MEGF6: variants seen among roughly 807,000 people sequenced by gnomAD.
MEGF6 encodes multiple EGF like domains 6, also known as multiple epidermal growth factor-like domains protein 6.
In MEGF6, 184 loss-of-function variants were observed where a neutral mutation model predicts 207.1. The observed-to-expected ratio is 0.89, with a 90% CI of 0.79 to 1.00. MEGF6 has a LOEUF of 1.00. Ranked by LOEUF, MEGF6 falls within the 50% of genes least tolerant of loss-of-function variation. The probability of loss-of-function intolerance (pLI) is 0.00; values close to 1 mark genes in which losing one functional copy is unlikely to be tolerated. For synonymous variants in MEGF6, 1,038 were observed against 910.0 expected (o/e 1.14, Z -2.53); for missense variants, 2,282 against 2,202.9 (o/e 1.04, Z -0.72).
chr1:3,528,030 G>A (rs971998223), intron 4 of MEGF6, among the ~76,000 whole-genome samples: 1 of 152,218 alleles, frequency 6.6e-6, no homozygotes, highest in African/African-American at 2.4e-5. Flanking sequence ...GGGCCTGGGT[G>A]GGGGTGCTGA....
chr1:3,505,367 G>A (rs1325148879), intron 16 of MEGF6, 25 bp from the exon 17 acceptor site: 1 of 1,608,296 alleles, frequency 6.2e-7, no homozygotes, highest in Non-Finnish European at 8.5e-7. Context: ...AGAGGGGTGG[G>A]TGGGGTTAAC....
At chr1:3,523,972 T>G in intron 5 of MEGF6, 152 bp downstream of exon 5, 1 of 893,214 alleles carries the variant, frequency 1.1e-6, no homozygotes, top group South Asian at 1.8e-5. Context: ...CAGGATTCCA[T>G]AGAGCCATGC....
intron 4 of MEGF6, among the ~76,000 whole-genome samples, chr1:3,548,900 C>T (rs1276546620): frequency 6.6e-6 from 1 of 151,946 alleles, no homozygotes; most frequent in Non-Finnish European, 1.5e-5. Context: ...GGAAAAGCCC[C>T]TTAGCCTGGC....
At chr1:3,504,863 C>T (rs892607639) in intron 17 of MEGF6, among the ~76,000 whole-genome samples, 8 of 152,166 alleles carry the variant, frequency 5.3e-5, no homozygotes, top group Non-Finnish European at 1.0e-4. Flanking sequence ...GCTGCTGCCC[C>T]GGCCTCTGAG....
rs1553195882 is a variant in MEGF6 at position 3,523,073 on chromosome 1, C to CT, written c.604+1050_604+1051insA. Among the ~76,000 whole-genome samples the CT allele has an allele frequency of 2.7e-3, 235 of 88,498 alleles. 3 individuals are homozygous for CT. Among genetic ancestry groups the CT allele is most frequent in the Non-Finnish European group, 4.1e-3 (153 of 37,122 alleles). The allele number at this position is 88,498 out of a possible 152,430, so 58.1% of individuals were successfully genotyped here. ...GGTGGCCGGGACATGTGAGTGTGTG[C>CT]CGGGGGGGGGGCCCCAGGGCTGGCG... On this transcript the variant is annotated intron_variant, in intron 5 of 36. Coordinates refer to ENST00000356575, the MANE Select transcript of MEGF6 (RefSeq NM_001409.4).
In MEGF6 at chr1:3,574,368, T is replaced by C. The variant is rs1391136164; in HGVS notation, c.481+5457A>G. 2.6e-5 allele frequency among the ~76,000 whole-genome samples: 4 copies of C among 152,056 alleles called. No individual in the cohort carries two copies. The South Asian group carries it at 6.2e-4, about 24-fold the overall frequency. ...CTCTGCTCCTCTGCTCCTGTCTCTG[T>C]CCTGTCTGGAAACTTGTCCGGAACA... On this transcript the variant is annotated intron_variant, in intron 4 of 36. Coordinates refer to ENST00000356575, the MANE Select transcript of MEGF6 (RefSeq NM_001409.4).
At chr1:3,550,336 A>G (rs1642844042) in intron 4 of MEGF6, among the ~76,000 whole-genome samples, 1 of 152,194 alleles carries the variant, frequency 6.6e-6, no homozygotes, top group Non-Finnish European at 1.5e-5. Flanking sequence ...AGGAACCTCA[A>G]ACCTCGTGCT....
chr1:3,495,914 TC>T lies in MEGF6; in HGVS notation c.3846del (p.Arg1283GlufsTer235). The T allele has an allele frequency of 1.3e-6, 2 of 1,597,734 alleles. No individual in the cohort carries two copies. The highest frequency in any genetic ancestry group is 1.7e-6 in the Non-Finnish European group (2 of 1,178,986). On this transcript the variant is annotated frameshift_variant, in exon 30 of 37. Transcript: ENST00000356575. LOFTEE classifies it high-confidence loss of function. The stretch of plus-strand genomic sequence containing the variant: ...CCTCGCTCACAGCGGACGCCGGCTC[TC>T]CCCGGGGGGCAGAGGCAGGTGCCGG... ...PVTGTCLCPP[G>X]RAGVRCERGC...
rs77085451 is a variant in MEGF6 at position 3,562,730 on chromosome 1, C to T, written c.481+17095G>A. 2.7e-3 allele frequency among the ~76,000 whole-genome samples: 418 copies of T among 152,364 alleles called. 3 individuals are homozygous for T. The highest frequency in any genetic ancestry group is 0.01 in the Middle Eastern group (3 of 294). On this transcript the variant is annotated intron_variant, in intron 4 of 36. Transcript: ENST00000356575. ...GACCAGCCAAACCCTCACATCTCTC[C>T]GGTCTGAAACCAAGGGTTGGACAGG...
chr1:3,490,996 C>G, intron 35 of MEGF6, 37 bp from the exon 36 acceptor site: 1 of 1,549,738 alleles, frequency 6.5e-7, no homozygotes, highest in Non-Finnish European at 8.7e-7. Context: ...TTAGTACCCC[C>G]AGCCTTGAGT....
Position 3,511,604 on chromosome 1 carries a change from G to A in MEGF6, c.1060C>T (p.Leu354=), listed in dbSNP as rs918892735. 1.7e-5 allele frequency: 27 copies of A among 1,612,408 alleles called. No homozygotes were observed. The highest frequency in any genetic ancestry group is 2.2e-5 in the Non-Finnish European group (26 of 1,179,552). ...TCGTAGCCGCGGGGACATGTGCACAGGGGCCCAGCACTGGTGTGGCTGCAG... is the reference window on the plus strand; with the variant it reads ...TCGTAGCCGCGGGGACATGTGCACAAGGGCCCAGCACTGGTGTGGCTGCAG... ...HGCSHTSAGP[L]CTCPRGYELD... Residue 354 remains leucine, a synonymous_variant, in exon 9 of 37, where the codon CTG becomes TTG. Transcript: ENST00000356575.
intron 4 of MEGF6, chr1:3,546,970 G>T (rs1419858350): frequency 1.0e-5 from 2 of 193,612 alleles, no homozygotes; most frequent in East Asian, 3.8e-4. Context: ...GCCGAGGCAG[G>T]GTGGCAGTGG....
chr1:3,496,970 G>T lies in MEGF6; in HGVS notation c.3613+18C>A. The T allele has an allele frequency of 6.5e-7, 1 of 1,547,430 alleles. No homozygotes were observed. Among genetic ancestry groups the T allele is most frequent in the South Asian group, 1.2e-5 (1 of 83,942 alleles). ...GGCAGCACTGCCGAGTCCCTGGGTG[G>T]GCACGGGCAGCACTCACGTTGCTGG... On this transcript the variant is annotated intron_variant, in intron 28 of 36. Coordinates refer to ENST00000356575, the MANE Select transcript of MEGF6 (RefSeq NM_001409.4).
Position 3,556,622 on chromosome 1 carries a change from C to T in MEGF6, c.481+23203G>A, listed in dbSNP as rs938351936. Among the ~76,000 whole-genome samples the T allele has an allele frequency of 1.3e-5, 2 of 152,178 alleles. No individual in the cohort carries two copies. Among genetic ancestry groups the T allele is most frequent in the African/African-American group, 4.8e-5 (2 of 41,524 alleles). Reference sequence around the variant, plus strand: ...AGAGGACCCGGTGACTGCCTGAGGCCGGGACACACTGGAGACGAATAGGAC... The same window carrying T: ...AGAGGACCCGGTGACTGCCTGAGGCTGGGACACACTGGAGACGAATAGGAC... On this transcript the variant is annotated intron_variant, in intron 4 of 36. Coordinates refer to ENST00000356575, the MANE Select transcript of MEGF6 (RefSeq NM_001409.4). The surrounding 1 kb of genome is among the most constrained non-coding windows in gnomAD (Gnocchi z 4.4).
intron 3 of MEGF6, among the ~76,000 whole-genome samples, chr1:3,581,599 G>A (rs1395363813): frequency 6.6e-6 from 1 of 152,194 alleles, no homozygotes; most frequent in Non-Finnish European, 1.5e-5. Flanking sequence ...CAAGCCAGCT[G>A]TGTTTAGTTC....
chr1:3,622,659 G>T, the MEGF6 span, among the ~76,000 whole-genome samples: 1 of 152,158 alleles, frequency 6.6e-6, no homozygotes, highest in East Asian at 1.9e-4. Flanking sequence ...GCAAGCCCAG[G>T]ACACCAAGCA....
intron 17 of MEGF6, among the ~76,000 whole-genome samples, chr1:3,504,531 A>G (rs1442022491): frequency 6.6e-6 from 1 of 151,310 alleles, no homozygotes; most frequent in Non-Finnish European, 1.5e-5. Context: ...GGACACCCCC[A>G]CCTTCCCAGC....
intron 34 of MEGF6, 76 bp downstream of exon 34, chr1:3,493,695 A>T: frequency 7.3e-7 from 1 of 1,363,586 alleles, no homozygotes; most frequent in Non-Finnish European, 1.0e-6. Context: ...TGGCACAGGT[A>T]GGGCCCAACC....
Position 3,515,413 on chromosome 1 carries a change from C to T in MEGF6, c.719G>A (p.Arg240Lys), listed in dbSNP as rs1221447076. ...RPGFQLQEDG[R>K]HCVRRSPCAN... is the part of the protein sequence containing the mutation. Reference sequence around the variant, plus strand: ...CTGGCAGCACTCACGGACACAATGCCTGCCGTCCTCCTGGAGCTGGAACCC... The same window carrying T: ...CTGGCAGCACTCACGGACACAATGCTTGCCGTCCTCCTGGAGCTGGAACCC... Residue 240 changes from arginine to lysine, a missense_variant, in exon 6 of 37, where the codon AGG becomes AAG. Arg to Lys is a conservative substitution (Grantham distance 26, BLOSUM62 2). Transcript: ENST00000356575. 6.2e-7 allele frequency: 1 copy of T among 1,611,916 alleles called. No individual in the cohort carries two copies. The highest frequency in any genetic ancestry group is 8.5e-7 in the Non-Finnish European group (1 of 1,179,634).
Sources: allele counts gnomAD v4.1 joint callset (sites outside exome capture counted in the v4.1 genomes callset), GRCh38; gene constraint gnomAD v4.1.1; non-coding constraint Gnocchi (gnomAD v3.1); transcripts MANE v1.5; gene names NCBI Gene and HGNC (gene_info 2026-07-23, HGNC 2026-07-21).